Variants in WIPI2 observed in about 807,000 individuals in gnomAD.
WIPI2 encodes the protein WD repeat domain phosphoinositide-interacting protein 2.
Under a neutral mutation model 52.3 loss-of-function variants are expected in WIPI2, and 28 were observed. That is an observed-to-expected ratio of 0.54 (90% confidence interval 0.40 to 0.73). The LOEUF (loss-of-function observed/expected upper bound fraction) is 0.73. WIPI2 is among the 30% of genes least tolerant of loss of function. The probability of loss-of-function intolerance (pLI) is 0.00; values close to 1 mark genes in which losing one functional copy is unlikely to be tolerated. For missense variants in WIPI2, 506 were observed against 602.9 expected (o/e 0.84, Z 1.68); for synonymous variants, 268 against 245.0 (o/e 1.09, Z -0.88).
intron 2 of WIPI2, 138 bp from the exon 3 acceptor site, chr7:5,199,438 A>T: frequency 1.9e-5 from 13 of 677,852 alleles, no homozygotes; most frequent in Non-Finnish European, 7.8e-6. Context: ...AAACAGTGTG[A>T]AATGATTTGC....
At chr7:5,219,062 C>CTGTAGT (rs1782960749) in intron 7 of WIPI2, 5 of 152,340 alleles carry the variant, frequency 3.3e-5, no homozygotes, top group African/African-American at 1.2e-4. Context: ...GTTCTTCAGT[C>CTGTAGT]TCACACCCGA....
intron 7 of WIPI2, among the ~76,000 whole-genome samples, chr7:5,219,412 C>G (rs1267703152): frequency 6.6e-6 from 1 of 151,738 alleles, no homozygotes; most frequent in Non-Finnish European, 1.5e-5. Flanking sequence ...CTTATAAAGG[C>G]CCAAAAGTAC....
intron 8 of WIPI2, 72 bp from the exon 9 acceptor site, chr7:5,225,751 C>A: frequency 9.1e-7 from 1 of 1,102,090 alleles, no homozygotes; most frequent in South Asian, 1.3e-5. Context: ...GAACTCTTCT[C>A]CGCCACTTGA....
At chr7:5,208,046 G>C (rs1036999402) in intron 3 of WIPI2, among the ~76,000 whole-genome samples, 1 of 152,174 alleles carries the variant, frequency 6.6e-6, no homozygotes. Context: ...GATTACAGGC[G>C]TGAGCCACCA....
chr7:5,213,907 A>C (rs1257559535), intron 3 of WIPI2, among the ~76,000 whole-genome samples: 1 of 152,064 alleles, frequency 6.6e-6, no homozygotes, highest in Non-Finnish European at 1.5e-5. Flanking sequence ...GGATGGTCTT[A>C]ATCTCCCGAC....
chr7:5,219,663 C>T (rs1017548188), intron 7 of WIPI2, among the ~76,000 whole-genome samples: 1 of 152,182 alleles, frequency 6.6e-6, no homozygotes, highest in Non-Finnish European at 1.5e-5. Context: ...GCACGGTAGA[C>T]GTGCGCCACA....
chr7:5,220,531 G>A (rs1031650019), intron 7 of WIPI2, among the ~76,000 whole-genome samples: 7 of 151,794 alleles, frequency 4.6e-5, no homozygotes, highest in African/African-American at 7.3e-5. Flanking sequence ...GAGCCACCAC[G>A]CCCAGCCACT....
chr7:5,223,500 G>A (rs923740355), intron 8 of WIPI2, among the ~76,000 whole-genome samples: 18 of 152,078 alleles, frequency 1.2e-4, no homozygotes, highest in African/African-American at 1.9e-4. Context: ...CTGCCTCCTC[G>A]TGTCCCTTGG....
chr7:5,208,302 T>G (rs1240660003), intron 3 of WIPI2, among the ~76,000 whole-genome samples: 1 of 152,224 alleles, frequency 6.6e-6, no homozygotes, highest in Non-Finnish European at 1.5e-5. Flanking sequence ...GCTCTTTAGA[T>G]ATTCTGGATA....
At chr7:5,197,495 A>G (rs554776129) in intron 2 of WIPI2, among the ~76,000 whole-genome samples, 6 of 152,300 alleles carry the variant, frequency 3.9e-5, no homozygotes, top group Admixed American at 2.0e-4. Flanking sequence ...CATTGATACA[A>G]CAATTGATGT....
intron 3 of WIPI2, among the ~76,000 whole-genome samples, chr7:5,213,598 G>A (rs1180377545): frequency 6.6e-6 from 1 of 152,208 alleles, no homozygotes; most frequent in African/African-American, 2.4e-5. Context: ...ACAGCCTAGG[G>A]GCATAGTAGG....
At position 5,190,504 on chromosome 7, in the gene WIPI2, G is replaced by A. The variant is rs1471798834; in HGVS notation, c.74+11G>A. ...CAACCAGGACAACACGTAAGGCCGG[G>A]GTCGGGGGTCGGAGTCGGGGTGAGG... is the stretch of plus-strand genomic sequence containing the variant. On this transcript the variant is annotated intron_variant, in intron 1 of 12. Coordinates refer to ENST00000288828, the MANE Select transcript of WIPI2 (RefSeq NM_015610.4). 6.7e-6 allele frequency: 10 copies of A among 1,496,078 alleles called. No individual in the cohort carries two copies. The highest frequency in any genetic ancestry group is 8.9e-6 in the Non-Finnish European group (10 of 1,120,356). 92.7% of individuals were successfully genotyped at this position (1,496,078 alleles called of 1,614,324 possible).
At chr7:5,191,443 G>A (rs1000335208) in intron 1 of WIPI2, among the ~76,000 whole-genome samples, 9 of 152,218 alleles carry the variant, frequency 5.9e-5, no homozygotes, top group African/African-American at 1.2e-4. Flanking sequence ...TTACGGACCA[G>A]TGCCCCAGGA....
intron 2 of WIPI2, among the ~76,000 whole-genome samples, chr7:5,195,842 C>G (rs538840684): frequency 6.6e-6 from 1 of 151,730 alleles, no homozygotes; most frequent in East Asian, 2.0e-4. Context: ...AGTTCGAGAC[C>G]AGCCTGGCCA....
intron 3 of WIPI2, among the ~76,000 whole-genome samples, chr7:5,206,141 T>G (rs1428813324): frequency 6.6e-5 from 10 of 152,196 alleles, no homozygotes; most frequent in Non-Finnish European, 2.9e-5. Flanking sequence ...GCTCCCAGCA[T>G]GTACATAAAA....
intron 2 of WIPI2, among the ~76,000 whole-genome samples, chr7:5,194,318 T>G (rs181269125): frequency 6.6e-6 from 1 of 152,176 alleles, no homozygotes; most frequent in Non-Finnish European, 1.5e-5. Context: ...TGGTTTACAG[T>G]GTCGGGCTCT....
intron 3 of WIPI2, among the ~76,000 whole-genome samples, chr7:5,205,930 G>C (rs1044387561): frequency 2.1e-5 from 3 of 141,638 alleles, no homozygotes; most frequent in Admixed American, 7.3e-5. Flanking sequence ...CTGTTTTTCT[G>C]TTGGGTTATT....
intron 1 of WIPI2, among the ~76,000 whole-genome samples, chr7:5,191,789 T>C (rs1781495696): frequency 6.6e-6 from 1 of 152,114 alleles, no homozygotes; most frequent in African/African-American, 2.4e-5. Context: ...AAATTAAAAG[T>C]GAATTGTAGA....
chr7:5,201,620 C>G (rs375424475), intron 3 of WIPI2, among the ~76,000 whole-genome samples: 42 of 152,334 alleles, frequency 2.8e-4, no homozygotes, highest in African/African-American at 9.1e-4. Flanking sequence ...GTGGCGCACA[C>G]CTGTAATCCC....
Sources: allele counts gnomAD v4.1 joint callset (sites outside exome capture counted in the v4.1 genomes callset), GRCh38; gene constraint gnomAD v4.1.1; transcripts MANE v1.5; gene names NCBI Gene and HGNC (gene_info 2026-07-23, HGNC 2026-07-21).